Variants in ITPR3 observed in about 807,000 individuals in gnomAD.
ITPR3 encodes inositol 1,4,5-trisphosphate receptor type 3.
Under a neutral mutation model 293.2 loss-of-function variants are expected in ITPR3, and 173 were observed. That is an observed-to-expected ratio of 0.59 (90% CI 0.52 to 0.67). The LOEUF (loss-of-function observed/expected upper bound fraction) is 0.67. ITPR3 is among the 30% of genes least tolerant of loss of function. The pLI is 0.00. For synonymous variants in ITPR3, 1,295 were observed against 1,444.4 expected, an observed-to-expected ratio of 0.90 and a Z score of 2.35; for missense variants, 2,796 against 3,592.1, an observed-to-expected ratio of 0.78 and a Z score of 5.66.
intron 32 of ITPR3, 34 bp downstream of exon 32, chr6:33,680,488 C>T: frequency 1.9e-6 from 3 of 1,611,348 alleles, no homozygotes; most frequent in Non-Finnish European, 2.5e-6. Flanking sequence ...GTGAAGCCCC[C>T]CAGGAGGTGT....
At chr6:33,665,321 G>GT in intron 13 of ITPR3, 108 bp downstream of exon 13, 1 of 1,424,706 alleles carries the variant, frequency 7.0e-7, no homozygotes, top group Non-Finnish European at 9.5e-7. Context: ...TGGGGAGAGA[G>GT]TAGGGGACTG....
chr6:33,684,291 G>C lies in ITPR3; in HGVS notation c.4938-66G>C. ...CCTGGGGGTGTTCCTGCCTGGGATGGGGTGGGGAAGTAGCTGGAGGGAGGC... is the reference window on the plus strand; with the variant it reads ...CCTGGGGGTGTTCCTGCCTGGGATGCGGTGGGGAAGTAGCTGGAGGGAGGC... On this transcript the variant is annotated intron_variant, in intron 36 of 57. Transcript: ENST00000605930. The surrounding 1 kb of genome is among the most constrained non-coding windows in gnomAD (Gnocchi z 4.2). 1.3e-6 allele frequency: 2 copies of C among 1,593,048 alleles called. No homozygotes were observed. The highest frequency in any genetic ancestry group is 1.1e-5 in the South Asian group (1 of 90,602).
rs1764282341 is a variant in ITPR3, at chr6:33,655,414, C to T, written c.161-352C>T. Among the ~76,000 whole-genome samples, 1 of 152,150 alleles carries T rather than the reference C, an allele frequency of 6.6e-6. No individual in the cohort carries two copies. The highest frequency in any genetic ancestry group is 2.4e-5 in the African/African-American group (1 of 41,446). On this transcript the variant is annotated intron_variant, in intron 2 of 57. Coordinates refer to ENST00000605930, the MANE Select transcript of ITPR3 (RefSeq NM_002224.4). This position sits in a 1 kb window ranked among gnomAD's most constrained non-coding sequence, Gnocchi z 4.9. ...CCAAGGCAATTAGCTAAAGAGGATG[C>T]AGATGTGAGCTGTTAGCTGCCAATA...
Position 33,692,653 on chromosome 6 carries a change from C to A in ITPR3, c.7459-75C>A. ...GGGTCCTCAATATCACAGCCCTGGC[C>A]CCAACCTGAGTCCTATCTTGCCCCA... On this transcript the variant is annotated intron_variant, in intron 54 of 57. Coordinates refer to ENST00000605930, the MANE Select transcript of ITPR3 (RefSeq NM_002224.4). The surrounding 1 kb of genome is among the most constrained non-coding windows in gnomAD (Gnocchi z 4.2). The A allele has an allele frequency of 6.8e-7, 1 of 1,478,502 alleles. No homozygotes were observed. The highest frequency in any genetic ancestry group is 9.3e-7 in the Non-Finnish European group (1 of 1,074,478). 91.6% of individuals were successfully genotyped at this position (1,478,502 alleles called of 1,614,324 possible).
At position 33,666,388 on chromosome 6, in the gene ITPR3, T is replaced by C. The variant is rs926294786; in HGVS notation, c.1551+412T>C. Among the ~76,000 whole-genome samples the C allele has an allele frequency of 7.9e-5, 12 of 152,176 alleles. No homozygotes were observed. Among genetic ancestry groups the C allele is most frequent in the African/African-American group, 2.9e-4 (12 of 41,412 alleles). On this transcript the variant is annotated intron_variant, in intron 14 of 57. Coordinates refer to ENST00000605930, the MANE Select transcript of ITPR3 (RefSeq NM_002224.4). The surrounding 1 kb of genome is among the most constrained non-coding windows in gnomAD (Gnocchi z 5.1). ...GGAACAAGGTGCCTCACTGTTTTGCTGCCTTGGCTTTATGTAGCTCGGTTC... is the reference window on the plus strand; with the variant it reads ...GGAACAAGGTGCCTCACTGTTTTGCCGCCTTGGCTTTATGTAGCTCGGTTC...
Position 33,670,514 on chromosome 6 carries a change from G to T in ITPR3, c.2379G>T (p.Leu793=), listed in dbSNP as rs913386429. The change falls in exon 19 of 58, where the codon CTG becomes CTT. Residue 793 remains leucine, a synonymous_variant. Transcript: ENST00000605930. The surrounding 1 kb of genome is among the most constrained non-coding windows in gnomAD (Gnocchi z 6.7). ...HVHVDRDPQE[L]VTPVKFARLW... ...ACGTGGACCGTGACCCCCAGGAGCT[G>T]GTCACGCCGGTCAAGTTTGCCCGTC... 8 of 1,613,756 alleles carry T rather than the reference G, an allele frequency of 5.0e-6. No homozygotes were observed. The African/African-American group carries it at 1.1e-4, about 22-fold the overall frequency.
chr6:33,663,064 C>G, intron 9 of ITPR3, 58 bp downstream of exon 9: 1 of 1,459,024 alleles, frequency 6.9e-7, no homozygotes, highest in Non-Finnish European at 9.4e-7. Flanking sequence ...CGTGGGTGTG[C>G]GGGAACATGT....
chr6:33,663,496 C>G lies in ITPR3; in HGVS notation c.955-4C>G. 1 of 1,603,734 alleles carries G rather than the reference C, an allele frequency of 6.2e-7. No homozygotes were observed. Among genetic ancestry groups the G allele is most frequent in the Non-Finnish European group, 8.5e-7 (1 of 1,174,640 alleles). The stretch of plus-strand genomic sequence containing the variant: ...GCTCCCCCACATCTTGTATCTCTGT[C>G]CAGGAGAACCCCAGTTACAAAGGTG... On this transcript the variant is annotated splice_region_variant and splice_polypyrimidine_tract_variant and intron_variant, in intron 9 of 57. Transcript: ENST00000605930.
At chr6:33,630,910 A>G (rs756383428) in intron 1 of ITPR3, among the ~76,000 whole-genome samples, 2 of 152,206 alleles carry the variant, frequency 1.3e-5, no homozygotes, top group Non-Finnish European at 2.9e-5. Flanking sequence ...TGTAGAGGTA[A>G]AGGAAATGGT....
rs766599380 is a variant in ITPR3, at chr6:33,638,089, TC to T, written c.90-2394del. Among the ~76,000 whole-genome samples the T allele has an allele frequency of 1.3e-5, 2 of 152,152 alleles. No homozygotes were observed. Among genetic ancestry groups the T allele is most frequent in the Non-Finnish European group, 2.9e-5 (2 of 68,036 alleles). On this transcript the variant is annotated intron_variant, in intron 1 of 57. Transcript: ENST00000605930. This position sits in a 1 kb window ranked among gnomAD's most constrained non-coding sequence, Gnocchi z 4.3. ...GGCGTGATCTCGGCTCACCACAACC[TC>T]TGCCTCCTGGGTTCAAGCGATTCTT...
intron 24 of ITPR3, among the ~76,000 whole-genome samples, chr6:33,674,847 C>T (rs1010996493): frequency 1.3e-5 from 2 of 152,294 alleles, no homozygotes; most frequent in South Asian, 2.1e-4. Flanking sequence ...CGTAAAGTAG[C>T]GAGCTGCACT....
At position 33,671,189 on chromosome 6, in the gene ITPR3, A is replaced by T; in HGVS notation, c.2611A>T (p.Ile871Phe). Residue 871 changes from isoleucine to phenylalanine, a missense_variant, in exon 21 of 58, where the codon ATC becomes TTC. Ile to Phe is a conservative substitution (Grantham distance 21). Around this residue, in one of 8 missense-constraint regions of ITPR3, gnomAD observed 955 missense variants for 1,180.8 expected, o/e 0.81. Coordinates refer to ENST00000605930, the MANE Select transcript of ITPR3 (RefSeq NM_002224.4). ...FEVVSLAHNL[I>F]YFGFYSFSEL... ...GGTGGTCAGCCTGGCGCACAATCTC[A>T]TCTACTTCGGCTTCTACAGCTTCAG... is the stretch of plus-strand genomic sequence containing the variant. 1 of 1,610,074 alleles carries T rather than the reference A, an allele frequency of 6.2e-7. No homozygotes were observed. Among genetic ancestry groups the T allele is most frequent in the South Asian group, 1.1e-5 (1 of 90,982 alleles).
rs1764841494 is a variant in ITPR3, at chr6:33,674,099, G to A, written c.3059-109G>A. 5 of 1,338,900 alleles carry A rather than the reference G, an allele frequency of 3.7e-6. No individual in the cohort carries two copies. In the East Asian group the frequency reaches 1.2e-4, roughly 32 times the overall value. The allele number at this position is 1,338,900 out of a possible 1,614,324, so 82.9% of individuals were successfully genotyped here. ...TTCCCAGAAAGGGGCAGGCAGAGCA[G>A]CTGCTGTGCAGCCAGTGCAGGGAAG... On this transcript the variant is annotated intron_variant, in intron 23 of 57. Transcript: ENST00000605930.
rs775407221 is a variant in ITPR3, at chr6:33,686,039, T to A, written c.5668-14T>A. 1.2e-6 allele frequency: 2 copies of A among 1,613,616 alleles called. No individual in the cohort carries two copies. Among genetic ancestry groups the A allele is most frequent in the Non-Finnish European group, 1.7e-6 (2 of 1,179,970 alleles). ...CTGTAGCTGTGCTGTGCCCAACCCT[T>A]CTGTGCCCCGCAGAACTTCCTGCGC... is the stretch of plus-strand genomic sequence containing the variant. On this transcript the variant is annotated splice_polypyrimidine_tract_variant and intron_variant, in intron 41 of 57. Transcript: ENST00000605930.
intron 27 of ITPR3, 125 bp downstream of exon 27, chr6:33,677,214 GCCTTTGCT>G: frequency 1.1e-6 from 1 of 906,816 alleles, no homozygotes; most frequent in South Asian, 1.4e-5. Context: ...ACATCTTTCA[GCCTTTGCT>G]GCACATTAAA....
chr6:33,640,534 A>C lies in ITPR3; in HGVS notation c.140A>C (p.Asn47Thr), dbSNP rs748257119. 9.9e-6 allele frequency: 16 copies of C among 1,612,650 alleles called. No individual in the cohort carries two copies. The South Asian group carries it at 1.8e-4, about 18-fold the overall frequency. The change falls in exon 2 of 58, where the codon AAC becomes ACC. Residue 47 changes from asparagine to threonine, a missense_variant. Asn to Thr is a moderately conservative substitution (Grantham distance 65). Around this residue, in one of 8 missense-constraint regions of ITPR3, gnomAD observed 53 missense variants for 45.7 expected, o/e 1.16. Coordinates refer to ENST00000605930, the MANE Select transcript of ITPR3 (RefSeq NM_002224.4). The part of the protein sequence containing the change: ...VVEPAAGDLD[N>T]PPKKFRDCLF... ...GAGCCCGCGGCCGGGGACCTGGACA[A>C]CCCCCCTAAGAAGTTCCGTGGTAAG...
Position 33,665,052 on chromosome 6 carries a change from G to C in ITPR3, c.1249-1G>C. On this transcript the variant is annotated splice_acceptor_variant, in intron 12 of 57. Coordinates refer to ENST00000605930, the MANE Select transcript of ITPR3 (RefSeq NM_002224.4). LOFTEE classifies it high-confidence loss of function. ...TGCCCTGCTGACCCCTGTCTCTGCA[G>C]CTGGGCACCTGCCCCACCAAGGAGG... 6.2e-7 allele frequency: 1 copy of C among 1,613,802 alleles called. No homozygotes were observed. The highest frequency in any genetic ancestry group is 8.5e-7 in the Non-Finnish European group (1 of 1,180,026).
Position 33,666,420 on chromosome 6 carries a change from C to A in ITPR3, c.1551+444C>A, listed in dbSNP as rs570165346. Among the ~76,000 whole-genome samples the A allele has an allele frequency of 8.7e-4, 132 of 152,256 alleles. 1 individual carries two copies. The highest frequency in any genetic ancestry group is 3.0e-3 in the African/African-American group (124 of 41,506). On this transcript the variant is annotated intron_variant, in intron 14 of 57. Coordinates refer to ENST00000605930, the MANE Select transcript of ITPR3 (RefSeq NM_002224.4). The surrounding 1 kb of genome is among the most constrained non-coding windows in gnomAD (Gnocchi z 5.1). Reference sequence around the variant, plus strand: ...GCTTTATGTAGCTCGGTTCACACATCCGTCTTTCCATCCACACATTGCAAA... The same window carrying A: ...GCTTTATGTAGCTCGGTTCACACATACGTCTTTCCATCCACACATTGCAAA...
rs918048052 is a variant in ITPR3, at chr6:33,691,548, G to A, written c.7226-67G>A. The A allele has an allele frequency of 7.4e-7, 1 of 1,345,912 alleles. No homozygotes were observed. The highest frequency in any genetic ancestry group is 1.1e-6 in the Non-Finnish European group (1 of 949,836). 83.4% of individuals were successfully genotyped at this position (1,345,912 alleles called of 1,614,324 possible). A position where few individuals can be genotyped will look rare whatever the true frequency, so the allele number is the denominator to read the frequency against. On this transcript the variant is annotated intron_variant, in intron 52 of 57. Transcript: ENST00000605930. This position sits in a 1 kb window ranked among gnomAD's most constrained non-coding sequence, Gnocchi z 4.9. ...AAGGTTTCCTGGAGGATGTGACACT[G>A]GGGACAGAGCCAGGGGATAAGGCCA...
Sources: allele counts gnomAD v4.1 joint callset (sites outside exome capture counted in the v4.1 genomes callset), GRCh38; gene constraint gnomAD v4.1.1; regional missense constraint gnomAD v4.1.1; non-coding constraint Gnocchi (gnomAD v3.1); transcripts MANE v1.5; gene names NCBI Gene and HGNC (gene_info 2026-07-23, HGNC 2026-07-21).